ZNF438: variants seen among roughly 807,000 people sequenced by gnomAD.
ZNF438 encodes the protein zinc finger protein 438.
In ZNF438, 25 loss-of-function variants were observed where a neutral mutation model predicts 38.0. The observed-to-expected ratio is 0.66, with a 90% CI of 0.48 to 0.92. The LOEUF is 0.92. ZNF438 is among the 40% of genes least tolerant of loss of function. The pLI, the probability that ZNF438 is intolerant of heterozygous loss-of-function variation, is 0.00. For synonymous variants in ZNF438, 372 were observed against 364.1 expected, an observed-to-expected ratio of 1.02 and a Z score of -0.25; for missense variants, 1,007 against 999.6, an observed-to-expected ratio of 1.01 and a Z score of -0.10.
intron 3 of ZNF438, among the ~76,000 whole-genome samples, chr10:30,890,768 C>G (rs1350770440): frequency 1.3e-5 from 2 of 152,228 alleles, no homozygotes; most frequent in African/African-American, 4.8e-5. Flanking sequence ...CATGCACTCT[C>G]AATTCTTAGA....
intron 1 of ZNF438, among the ~76,000 whole-genome samples, chr10:31,000,091 T>G (rs2054494683): frequency 6.6e-6 from 1 of 152,202 alleles, no homozygotes; most frequent in Non-Finnish European, 1.5e-5. Flanking sequence ...CCCAAATTTG[T>G]GTCTCTATGC....
chr10:30,850,329 T>A lies in ZNF438; in HGVS notation c.76A>T (p.Lys26Ter), dbSNP rs1316592850. 1 of 1,614,128 alleles carries A rather than the reference T, an allele frequency of 6.2e-7. No individual in the cohort carries two copies. Among genetic ancestry groups the A allele is most frequent in the Non-Finnish European group, 8.5e-7 (1 of 1,180,008 alleles). The change falls in exon 5 of 6, where the codon AAA becomes TAA. Residue 26 changes from lysine to a stop codon, truncating the protein, a stop_gained. Transcript: ENST00000413025. LOFTEE classifies it high-confidence loss of function. ...AACTGACTCTTATTCTGCAAACCTTTCCTACTCTGTATTGTTCCAGAAGGG... is the reference window on the plus strand; with the variant it reads ...AACTGACTCTTATTCTGCAAACCTTACCTACTCTGTATTGTTCCAGAAGGG...
At chr10:30,898,155 G>A (rs2041578085) in intron 3 of ZNF438, among the ~76,000 whole-genome samples, 1 of 152,160 alleles carries the variant, frequency 6.6e-6, no homozygotes. Flanking sequence ...GCTAAGGGTG[G>A]TAGCCTCTGG....
At position 30,997,177 on chromosome 10, in the gene ZNF438, G is replaced by A. The variant is rs139010926; in HGVS notation, c.-192+34656C>T. 2.8e-3 allele frequency among the ~76,000 whole-genome samples: 431 copies of A among 152,064 alleles called. 2 individuals carry two copies. Among genetic ancestry groups the A allele is most frequent in the Admixed American group, 8.1e-3 (124 of 15,272 alleles). On this transcript the variant is annotated intron_variant, in intron 1 of 5. Transcript: ENST00000413025. Reference sequence around the variant, plus strand: ...GCAAACTAAACCTAAGCAAGCAGACGGAAGGAAATAATAAAGAATAATGTA... The same window carrying A: ...GCAAACTAAACCTAAGCAAGCAGACAGAAGGAAATAATAAAGAATAATGTA...
intron 2 of ZNF438, among the ~76,000 whole-genome samples, chr10:30,918,254 T>C (rs556477064): frequency 6.6e-6 from 1 of 152,342 alleles, no homozygotes; most frequent in African/African-American, 2.4e-5. Context: ...TCAGATTTTC[T>C]CAGTCTTTTA....
chr10:31,015,314 G>A (rs890098148), intron 1 of ZNF438, among the ~76,000 whole-genome samples: 5 of 152,022 alleles, frequency 3.3e-5, no homozygotes, highest in East Asian at 1.9e-4. Flanking sequence ...CGAGTCCTAC[G>A]TAAGATAATT....
intron 1 of ZNF438, among the ~76,000 whole-genome samples, chr10:30,986,100 T>C (rs769728468): frequency 6.6e-6 from 1 of 152,222 alleles, no homozygotes; most frequent in African/African-American, 2.4e-5. Flanking sequence ...ATAGCCTACG[T>C]GTATAGTAAG....
chr10:30,971,278 C>G (rs2050710506), intron 1 of ZNF438, among the ~76,000 whole-genome samples: 1 of 152,130 alleles, frequency 6.6e-6, no homozygotes, highest in African/African-American at 2.4e-5. Context: ...CAGTAAGTGT[C>G]AGCTGCTATT....
chr10:31,021,150 A>C (rs554634836), intron 1 of ZNF438, among the ~76,000 whole-genome samples: 2 of 151,306 alleles, frequency 1.3e-5, no homozygotes, highest in Non-Finnish European at 2.9e-5. Context: ...TCCATTTTTT[A>C]ACATGTTATG....
intron 3 of ZNF438, among the ~76,000 whole-genome samples, chr10:30,901,889 C>T (rs1448438194): frequency 1.3e-5 from 2 of 152,142 alleles, no homozygotes; most frequent in African/African-American, 2.4e-5. Context: ...CATGATCTTG[C>T]TGGCTCAGGA....
intron 1 of ZNF438, among the ~76,000 whole-genome samples, chr10:30,970,702 T>C (rs2050648042): frequency 6.6e-6 from 1 of 152,186 alleles, no homozygotes; most frequent in South Asian, 2.1e-4. Flanking sequence ...TATTGCAGCG[T>C]CTTTATGTCT....
intron 1 of ZNF438, among the ~76,000 whole-genome samples, chr10:30,955,407 A>G (rs927107489): frequency 6.6e-6 from 1 of 152,238 alleles, no homozygotes; most frequent in Non-Finnish European, 1.5e-5. Flanking sequence ...CCAACAGAAT[A>G]TAGTGGAAGT....
At chr10:30,915,760 G>GAGTC (rs2043558348) in intron 2 of ZNF438, among the ~76,000 whole-genome samples, 1 of 151,946 alleles carries the variant, frequency 6.6e-6, no homozygotes, top group Non-Finnish European at 1.5e-5. Context: ...TATATTATGG[G>GAGTC]AGTCATTCTC....
At position 30,961,684 on chromosome 10, in the gene ZNF438, C is replaced by T. The variant is rs796933698; in HGVS notation, c.-191-20033G>A. ...AGTGAATCACTTGAGATCAGGAGTTCGAGACCAGCCTGGCCAACATGGTGA... is the reference window on the plus strand; with the variant it reads ...AGTGAATCACTTGAGATCAGGAGTTTGAGACCAGCCTGGCCAACATGGTGA... On this transcript the variant is annotated intron_variant, in intron 1 of 5. Transcript: ENST00000413025. Among the ~76,000 whole-genome samples, 14 of 145,702 alleles carry T rather than the reference C, an allele frequency of 9.6e-5. 1 individual carries two copies. In the South Asian group the frequency reaches 2.9e-3, roughly 30 times the overall value.
At chr10:30,905,818 G>A (rs997819856) in intron 3 of ZNF438, among the ~76,000 whole-genome samples, 1 of 152,098 alleles carries the variant, frequency 6.6e-6, no homozygotes, top group Non-Finnish European at 1.5e-5. Flanking sequence ...CAAGACTACT[G>A]GCTGAAAAGA....
At chr10:30,955,894 C>CCGTT (rs1472490573) in intron 1 of ZNF438, among the ~76,000 whole-genome samples, 1 of 152,232 alleles carries the variant, frequency 6.6e-6, no homozygotes, top group Non-Finnish European at 1.5e-5. Flanking sequence ...AAAGCAGAAA[C>CCGTT]CTGAACCTAG....
At chr10:30,849,670 C>T (rs1372504442) in exon 5 of ZNF438, 1 of 1,614,056 alleles carries the variant, frequency 6.2e-7, no homozygotes, top group Non-Finnish European at 8.5e-7. Context: ...TAGATGTTAT[C>T]TTGCTTACAA....
In ZNF438 at chr10:30,935,183, C is replaced by A. The variant is rs1457986579; in HGVS notation, c.-115+6392G>T. 2.6e-5 allele frequency among the ~76,000 whole-genome samples: 4 copies of A among 152,236 alleles called. No homozygotes were observed. The East Asian group carries it at 7.7e-4, about 29-fold the overall frequency. On this transcript the variant is annotated intron_variant, in intron 2 of 5. Transcript: ENST00000413025. ...TCTCCATATTACAGATGAGGAAACT[C>A]AAGCTCAGTGGTGTTAAATAACTTG...
exon 5 of ZNF438, chr10:30,849,484 T>G: frequency 6.2e-7 from 1 of 1,614,236 alleles, no homozygotes; most frequent in East Asian, 2.2e-5. Context: ...CTGATTTGAT[T>G]TTGTAAACCT....
Sources: gnomAD v4.1 joint callset for allele counts (sites outside exome capture counted in the v4.1 genomes callset) on GRCh38, gnomAD v4.1.1 for gene constraint, MANE v1.5 for transcripts, NCBI Gene and HGNC (gene_info 2026-07-23, HGNC 2026-07-21) for gene names.